RASSF2: variants seen among roughly 807,000 people sequenced by gnomAD.
The protein encoded by RASSF2 is Ras association domain family member 2, also known as ras association domain-containing protein 2.
Under a neutral mutation model 46.3 loss-of-function variants are expected in RASSF2, and 34 were observed. The ratio of observed to expected loss-of-function variants is 0.73; its 90% CI spans 0.56 to 0.98. The LOEUF (loss-of-function observed/expected upper bound fraction) is 0.98. Among genes scored for constraint, RASSF2 ranks in the 50% least tolerant of loss-of-function variants. The pLI is 0.00. For missense variants in RASSF2, 364 were observed against 431.2 expected, an observed-to-expected ratio of 0.84 and a Z score of 1.38; for synonymous variants, 158 against 162.5, an observed-to-expected ratio of 0.97 and a Z score of 0.21.
intron 4 of RASSF2, 92 bp downstream of exon 4, chr20:4,797,918 G>T: frequency 1.3e-6 from 2 of 1,555,552 alleles, no homozygotes; most frequent in Admixed American, 2.0e-5. Context: ...GAGAGGCAGG[G>T]TTCTCTTGGG....
intron 3 of RASSF2, among the ~76,000 whole-genome samples, chr20:4,799,900 T>C (rs553953206): frequency 6.6e-6 from 1 of 152,084 alleles, no homozygotes; most frequent in East Asian, 1.9e-4. Context: ...TCACCTGAGG[T>C]CAGGTGTTCA....
intron 4 of RASSF2, 40 bp from the exon 5 acceptor site, chr20:4,796,006 C>A: frequency 6.8e-7 from 1 of 1,462,868 alleles, no homozygotes; most frequent in Non-Finnish European, 9.1e-7. Context: ...CTAGAAAAGC[C>A]CCCACAGAAG....
chr20:4,798,673 A>C (rs1926586973), intron 3 of RASSF2, among the ~76,000 whole-genome samples: 3 of 151,536 alleles, frequency 2.0e-5, no homozygotes, highest in Admixed American at 2.0e-4. Flanking sequence ...AAAAATACAA[A>C]AAATTAGCCA....
intron 5 of RASSF2, among the ~76,000 whole-genome samples, chr20:4,794,914 T>C (rs1050473692): frequency 3.9e-5 from 6 of 152,164 alleles, no homozygotes; most frequent in Admixed American, 6.5e-5. Flanking sequence ...TAGAGAAACA[T>C]AGATTTGGCT....
intron 10 of RASSF2, among the ~76,000 whole-genome samples, chr20:4,786,559 A>G (rs1274849153): frequency 6.6e-6 from 1 of 152,156 alleles, no homozygotes; most frequent in Admixed American, 6.5e-5. Flanking sequence ...TTTTCATGTC[A>G]TGCATTCAAT....
intron 8 of RASSF2, among the ~76,000 whole-genome samples, chr20:4,788,700 C>T (rs1925582226): frequency 6.6e-6 from 1 of 152,150 alleles, no homozygotes; most frequent in South Asian, 2.1e-4. Context: ...TATCTAAACA[C>T]AGAAAAGGTA....
Position 4,812,810 on chromosome 20 carries a change from G to C in RASSF2, c.-33+9519C>G, listed in dbSNP as rs191102415. On this transcript the variant is annotated intron_variant, in intron 2 of 11. Coordinates refer to ENST00000379400, the MANE Select transcript of RASSF2 (RefSeq NM_014737.3). The surrounding 1 kb of genome is among the most constrained non-coding windows in gnomAD (Gnocchi z 4.0). ...GTGGCTTGTCCCAGGTGGCACAGCCGACATGCAGCCCAGTGCTCCTGTGGC... is the reference window on the plus strand; with the variant it reads ...GTGGCTTGTCCCAGGTGGCACAGCCCACATGCAGCCCAGTGCTCCTGTGGC... Among the ~76,000 whole-genome samples, 1 of 152,164 alleles carries C rather than the reference G, an allele frequency of 6.6e-6. No individual in the cohort carries two copies. The highest frequency in any genetic ancestry group is 1.5e-5 in the Non-Finnish European group (1 of 68,024).
Position 4,798,020 on chromosome 20 carries a change from C to A in RASSF2, c.125G>T (p.Arg42Leu), listed in dbSNP as rs377222352. Residue 42 changes from arginine to leucine, a missense_variant, in exon 4 of 12, where the codon CGG (arginine) becomes CTG (leucine). Physicochemically the swap from Arg to Leu is moderately radical, Grantham distance 102. Coordinates refer to ENST00000379400, the MANE Select transcript of RASSF2 (RefSeq NM_014737.3). Reference protein sequence around the residue: ...LYYEGQNLQLRHREEEDEFIV... With the variant: ...LYYEGQNLQLLHREEEDEFIV... ...CTGGGGACTCCTTACCTCCCGGTGC[C>A]GGAGCTGTAAATTCTGGCCTTCATA... 1 of 1,613,846 alleles carries A rather than the reference C, an allele frequency of 6.2e-7. No homozygotes were observed. The highest frequency in any genetic ancestry group is 8.5e-7 in the Non-Finnish European group (1 of 1,179,880).
chr20:4,795,911 C>T lies in RASSF2; in HGVS notation c.191G>A (p.Arg64Gln), dbSNP rs745819966. The T allele has an allele frequency of 2.6e-5, 41 of 1,597,888 alleles. No homozygotes were observed. The highest frequency in any genetic ancestry group is 1.7e-4 in the Middle Eastern group (1 of 5,994). Residue 64 changes from arginine (R) to glutamine (Q), a missense_variant, in exon 5 of 12, where the codon CGG becomes CAG. Physicochemically the swap from Arg to Gln is conservative, Grantham distance 43. Coordinates refer to ENST00000379400, the MANE Select transcript of RASSF2 (RefSeq NM_014737.3). The surrounding 1 kb of genome is among the most constrained non-coding windows in gnomAD (Gnocchi z 4.0). ...ATCCTGCATCTGCAGGCGAATGGGC[C>T]GGCGCAGGCCCCAGGAGATGTTCAG... ...GLLNISWGLR[R>Q]PIRLQMQDDN...
rs554185504 is a variant in RASSF2, at chr20:4,820,796, C to T, written c.-33+1533G>A. Among the ~76,000 whole-genome samples, 9 of 152,260 alleles carry T rather than the reference C, an allele frequency of 5.9e-5. No individual in the cohort carries two copies. The South Asian group carries it at 1.9e-3, about 32-fold the overall frequency. On this transcript the variant is annotated intron_variant, in intron 2 of 11. Transcript: ENST00000379400. ...CTCTGGAAGAGAGGAGGAGATGAGT[C>T]CTGGGACTACTCTTGGGGTCACTCA... is the stretch of plus-strand genomic sequence containing the variant.
intron 1 of RASSF2, among the ~76,000 whole-genome samples, chr20:4,822,860 A>C (rs924665483): frequency 4.6e-5 from 7 of 151,830 alleles, no homozygotes; most frequent in Non-Finnish European, 8.8e-5. Flanking sequence ...GGGGTCGGGC[A>C]CTCTCCAGGG....
At chr20:4,792,948 G>A (rs1165272912) in intron 5 of RASSF2, 5 of 367,914 alleles carry the variant, frequency 1.4e-5, no homozygotes, top group Non-Finnish European at 2.5e-5. Context: ...CAAAACCCAC[G>A]TGTTGCCTGC....
chr20:4,791,253 G>T (rs1925851753), intron 6 of RASSF2, among the ~76,000 whole-genome samples: 1 of 152,188 alleles, frequency 6.6e-6, no homozygotes. Context: ...GAGCTAAAGA[G>T]AGAAGGATGT....
chr20:4,820,893 A>G (rs1468759272), intron 2 of RASSF2, among the ~76,000 whole-genome samples: 2 of 152,132 alleles, frequency 1.3e-5, no homozygotes, highest in African/African-American at 4.8e-5. Context: ...CCTCCCACTC[A>G]GTAAGGACAC....
intron 10 of RASSF2, among the ~76,000 whole-genome samples, chr20:4,786,875 A>G (rs1601082754): frequency 6.6e-6 from 1 of 151,986 alleles, no homozygotes; most frequent in African/African-American, 2.4e-5. Context: ...CTTGAGGTCA[A>G]GAGTTCAAGA....
chr20:4,820,726 C>G (rs578222299), intron 2 of RASSF2, among the ~76,000 whole-genome samples: 1 of 152,190 alleles, frequency 6.6e-6, no homozygotes, highest in African/African-American at 2.4e-5. Flanking sequence ...GGCTAAACAT[C>G]TTGTTCCATT....
rs1192125910 is a variant in RASSF2 at position 4,790,410 on chromosome 20, G to A, written c.537+41C>T. 11 of 1,416,850 alleles carry A rather than the reference G, an allele frequency of 7.8e-6. No individual in the cohort carries two copies. Among genetic ancestry groups the A allele is most frequent in the East Asian group, 2.8e-5 (1 of 36,190 alleles). The allele number at this position is 1,416,850 out of a possible 1,614,324, so 87.8% of individuals were successfully genotyped here. ...TAGCCCTGAGGTGGCATCTACCCAG[G>A]AAGAGGTCTTCCACCCTCCCCGTCC... On this transcript the variant is annotated intron_variant, in intron 7 of 11. Coordinates refer to ENST00000379400, the MANE Select transcript of RASSF2 (RefSeq NM_014737.3). The surrounding 1 kb of genome is among the most constrained non-coding windows in gnomAD (Gnocchi z 4.3).
chr20:4,795,642 C>T lies in RASSF2; in HGVS notation c.287+173G>A, dbSNP rs1048827812. The T allele has an allele frequency of 7.9e-5, 56 of 706,290 alleles. No individual in the cohort carries two copies. Among genetic ancestry groups the T allele is most frequent in the African/African-American group, 4.6e-4 (25 of 54,034 alleles). The allele number at this position is 706,290 out of a possible 1,614,324, so 43.8% of individuals were successfully genotyped here. On this transcript the variant is annotated intron_variant, in intron 5 of 11. Coordinates refer to ENST00000379400, the MANE Select transcript of RASSF2 (RefSeq NM_014737.3). The surrounding 1 kb of genome is among the most constrained non-coding windows in gnomAD (Gnocchi z 4.0). ...TGACAGGAAGGGGGCTCAATCACAA[C>T]CACATCTGCTGCTTGTTCCTCATTC...
intron 2 of RASSF2, among the ~76,000 whole-genome samples, chr20:4,814,623 C>G (rs958682227): frequency 8.5e-5 from 13 of 152,144 alleles, no homozygotes; most frequent in Non-Finnish European, 1.9e-4. Context: ...AAAGGAAGTG[C>G]CGGGTGTGTC....
Sources: allele counts gnomAD v4.1 joint callset (sites outside exome capture counted in the v4.1 genomes callset), GRCh38; gene constraint gnomAD v4.1.1; non-coding constraint Gnocchi (gnomAD v3.1); transcripts MANE v1.5; gene names NCBI Gene and HGNC (gene_info 2026-07-23, HGNC 2026-07-21).